The following NLGN1 variants were observed in gnomAD, a reference collection of about 807,000 sequenced individuals.
NLGN1 encodes neuroligin-1.
NLGN1 carries 12 observed loss-of-function variants against 65.5 expected under a neutral mutation model. That is an observed-to-expected ratio of 0.18 (90% CI 0.12 to 0.30). NLGN1 has a LOEUF of 0.30. Ranked by LOEUF, NLGN1 falls within the 10% of genes least tolerant of loss-of-function variation. The pLI is 1.00. For synonymous variants in NLGN1, 350 were observed against 359.5 expected (o/e 0.97, Z 0.30); for missense variants, 750 against 1,007.1 (o/e 0.74, Z 3.46).
At chr3:173,625,535 T>G (rs1754693161) in intron 3 of NLGN1, among the ~76,000 whole-genome samples, 1 of 152,188 alleles carries the variant, frequency 6.6e-6, no homozygotes. Flanking sequence ...AAAGTCTCTG[T>G]CTTCCCCATT....
intron 4 of NLGN1, among the ~76,000 whole-genome samples, chr3:173,840,184 C>A (rs1235348727): frequency 3.3e-5 from 5 of 152,060 alleles, no homozygotes; most frequent in Admixed American, 6.6e-5. Flanking sequence ...CCTTAATTGA[C>A]AAATAAATAT....
At chr3:173,718,889 A>G (rs181205521) in intron 3 of NLGN1, among the ~76,000 whole-genome samples, 1 of 152,302 alleles carries the variant, frequency 6.6e-6, no homozygotes, top group Admixed American at 6.5e-5. Flanking sequence ...TGATTGGTGA[A>G]CTGAATGTGA....
At chr3:174,042,109 CA>C (rs1401513271) in intron 4 of NLGN1, among the ~76,000 whole-genome samples, 1 of 151,978 alleles carries the variant, frequency 6.6e-6, no homozygotes, top group South Asian at 2.1e-4. Context: ...TAAAATTACT[CA>C]TATCCTGGAT....
At chr3:173,582,729 G>A (rs1308754458) in intron 2 of NLGN1, among the ~76,000 whole-genome samples, 1 of 151,834 alleles carries the variant, frequency 6.6e-6, no homozygotes, top group Non-Finnish European at 1.5e-5. Flanking sequence ...TTTTATGAGT[G>A]TACATTTTGA....
chr3:174,167,915 A>G (rs1727834445), intron 4 of NLGN1, among the ~76,000 whole-genome samples: 1 of 151,676 alleles, frequency 6.6e-6, no homozygotes, highest in Non-Finnish European at 1.5e-5. Context: ...TTTTTTTTAA[A>G]TTTTTTTGTC....
At chr3:173,609,075 A>C (rs1751851530) in intron 3 of NLGN1, among the ~76,000 whole-genome samples, 3 of 151,966 alleles carry the variant, frequency 2.0e-5, no homozygotes, top group Non-Finnish European at 4.4e-5. Context: ...AGAGTCGCTA[A>C]CAAACAAGAA....
chr3:173,478,696 G>A (rs148414089), intron 2 of NLGN1, among the ~76,000 whole-genome samples: 215 of 152,178 alleles, frequency 1.4e-3, no homozygotes, highest in African/African-American at 4.8e-3. Flanking sequence ...TAAGGAGGGC[G>A]GATCACATGA....
At chr3:173,524,127 C>T (rs1735240536) in intron 2 of NLGN1, among the ~76,000 whole-genome samples, 3 of 151,430 alleles carry the variant, frequency 2.0e-5, no homozygotes, top group Non-Finnish European at 4.4e-5. Flanking sequence ...GGGGTTTCAC[C>T]ATGTTAGCCA....
intron 4 of NLGN1, among the ~76,000 whole-genome samples, chr3:173,834,942 C>T (rs1328782244): frequency 1.3e-5 from 2 of 152,180 alleles, no homozygotes; most frequent in African/African-American, 4.8e-5. Context: ...CTTTTCATCA[C>T]GCCAGCAACA....
chr3:174,210,989 G>C (rs1736356025), intron 4 of NLGN1, among the ~76,000 whole-genome samples: 1 of 152,172 alleles, frequency 6.6e-6, no homozygotes, highest in African/African-American at 2.4e-5. Context: ...CTCGCGGTGA[G>C]TGTTACAGCT....
intron 3 of NLGN1, among the ~76,000 whole-genome samples, chr3:173,700,864 G>T (rs933586451): frequency 8.5e-5 from 13 of 152,300 alleles, no homozygotes; most frequent in African/African-American, 3.1e-4. Flanking sequence ...GGTGGCTCAA[G>T]CCTGTAATCC....
At chr3:173,653,182 G>C (rs1426019597) in intron 3 of NLGN1, among the ~76,000 whole-genome samples, 1 of 152,106 alleles carries the variant, frequency 6.6e-6, no homozygotes, top group South Asian at 2.1e-4. Context: ...CATATCATCA[G>C]TAAACAGAGA....
intron 4 of NLGN1, among the ~76,000 whole-genome samples, chr3:174,178,901 G>C (rs1028644611): frequency 6.6e-6 from 1 of 152,068 alleles, no homozygotes; most frequent in Admixed American, 6.6e-5. Context: ...GATAAGAATA[G>C]AGGCATATAG....
intron 4 of NLGN1, among the ~76,000 whole-genome samples, chr3:173,815,941 C>A (rs1424221124): frequency 6.6e-6 from 1 of 150,424 alleles, no homozygotes; most frequent in African/African-American, 2.4e-5. Context: ...ATTATTATGT[C>A]ATTCTTTTAG....
At chr3:173,501,482 G>A (rs1731112961) in intron 2 of NLGN1, among the ~76,000 whole-genome samples, 1 of 151,962 alleles carries the variant, frequency 6.6e-6, no homozygotes, top group Non-Finnish European at 1.5e-5. Flanking sequence ...AGAACTTTAA[G>A]CCCCAGAGAC....
At chr3:173,709,891 T>C (rs1324682079) in intron 3 of NLGN1, among the ~76,000 whole-genome samples, 2 of 151,400 alleles carry the variant, frequency 1.3e-5, no homozygotes, top group Non-Finnish European at 2.9e-5. Context: ...AGGTTACAGC[T>C]ACATTTTAAA....
chr3:174,115,054 C>G (rs889777106), intron 4 of NLGN1, among the ~76,000 whole-genome samples: 5 of 152,144 alleles, frequency 3.3e-5, no homozygotes, highest in Admixed American at 2.0e-4. Context: ...GGACTGTTGA[C>G]TATGCTGACA....
chr3:173,754,794 C>A (rs556850656), intron 3 of NLGN1, among the ~76,000 whole-genome samples: 1 of 152,234 alleles, frequency 6.6e-6, no homozygotes, highest in East Asian at 1.9e-4. Flanking sequence ...CCTTCTTCTT[C>A]ATTCTTTGCT....
At chr3:173,880,857 T>C (rs1211593477) in intron 4 of NLGN1, among the ~76,000 whole-genome samples, 1 of 152,178 alleles carries the variant, frequency 6.6e-6, no homozygotes, top group Non-Finnish European at 1.5e-5. Flanking sequence ...TTACTCACCG[T>C]AGAACTTCTT....
Sources: gnomAD v4.1 joint callset for allele counts (sites outside exome capture counted in the v4.1 genomes callset) on GRCh38, gnomAD v4.1.1 for gene constraint, MANE v1.5 for transcripts, NCBI Gene and HGNC (gene_info 2026-07-23, HGNC 2026-07-21) for gene names.